Variants in MATK observed in about 807,000 individuals in gnomAD.
MATK encodes megakaryocyte-associated tyrosine kinase.
Under a neutral mutation model 59.8 loss-of-function variants are expected in MATK, and 41 were observed. The observed-to-expected ratio is 0.69, with a 90% CI of 0.53 to 0.89. MATK has a LOEUF of 0.89. Ranked by LOEUF, MATK falls within the 40% of genes least tolerant of loss-of-function variation. MATK has a pLI of 0.00. For synonymous variants in MATK, 308 were observed against 306.1 expected (o/e 1.01, Z -0.06); for missense variants, 593 against 719.6 (o/e 0.82, Z 2.01).
intron 7 of MATK, chr19:3,782,780 G>C (rs189790040): frequency 9.0e-6 from 3 of 335,164 alleles, no homozygotes; most frequent in Admixed American, 4.6e-5. Context: ...GGGAGGGCCT[G>C]AGGCTGGGCT....
chr19:3,784,566 C>A, intron 3 of MATK, 115 bp from the exon 4 acceptor site: 3 of 727,918 alleles, frequency 4.1e-6, no homozygotes, highest in Non-Finnish European at 6.8e-6. Flanking sequence ...TGGAAAAGAG[C>A]GGAGAGGCAG....
intron 8 of MATK, 119 bp downstream of exon 8, chr19:3,781,488 C>T: frequency 2.8e-6 from 3 of 1,057,620 alleles, no homozygotes; most frequent in Non-Finnish European, 4.3e-6. Context: ...ATTTGCACGT[C>T]TTCAGCTGCA....
intron 1 of MATK, among the ~76,000 whole-genome samples, chr19:3,794,975 C>CTTTT (rs532158792): frequency 3.1e-4 from 33 of 107,908 alleles, no homozygotes; most frequent in African/African-American, 3.8e-4. Context: ...TTTTCTTTTG[C>CTTTT]TTTTTTTTTT....
intron 3 of MATK, 186 bp from the exon 4 acceptor site, chr19:3,784,637 G>A (rs767959855): frequency 3.0e-5 from 20 of 663,372 alleles, no homozygotes; most frequent in Admixed American, 4.9e-5. Context: ...GAGAGAAATC[G>A]TAGAGTCACA....
chr19:3,798,617 A>G (rs1166692335), intron 1 of MATK, among the ~76,000 whole-genome samples: 1 of 151,844 alleles, frequency 6.6e-6, no homozygotes, highest in African/African-American at 2.4e-5. Flanking sequence ...GGTTCAAGTG[A>G]TTCTCCTGCC....
At chr19:3,791,339 C>T (rs1333680388), upstream of MATK, among the ~76,000 whole-genome samples, 1 of 151,482 alleles carries the variant, frequency 6.6e-6, no homozygotes, top group Non-Finnish European at 1.5e-5. Flanking sequence ...GTCATCTCTC[C>T]ACCTCCCCCC....
chr19:3,787,308 C>T (rs1032263231), upstream of MATK, among the ~76,000 whole-genome samples: 2 of 151,342 alleles, frequency 1.3e-5, no homozygotes, highest in Admixed American at 6.6e-5. Flanking sequence ...TTTCATAGAG[C>T]CATAGAAGGG....
intron 1 of MATK, among the ~76,000 whole-genome samples, chr19:3,800,014 C>T (rs1233363794): frequency 1.1e-4 from 16 of 151,536 alleles, no homozygotes; most frequent in African/African-American, 3.6e-4. Context: ...TGGTTGCAGG[C>T]GCCTGTAGTC....
At position 3,783,011 on chromosome 19, in the gene MATK, C is replaced by A. The variant is rs1015337530; in HGVS notation, c.676+115G>T. 65 of 883,958 alleles carry A rather than the reference C, an allele frequency of 7.4e-5. No homozygotes were observed. In the African/African-American group the frequency reaches 1.0e-3, roughly 14 times the overall value. The allele number at this position is 883,958 out of a possible 1,614,324, so 54.8% of individuals were successfully genotyped here. A position where few individuals can be genotyped will look rare whatever the true frequency, so the allele number is the denominator to read the frequency against. On this transcript the variant is annotated intron_variant, in intron 7 of 13. Transcript: ENST00000310132. ...CCAGGTCTTCTATCCCATAGCTGGG[C>A]ATGGAGACAGGCTTGGGTGATCTGG...
chr19:3,796,757 C>T (rs930008473), intron 1 of MATK, among the ~76,000 whole-genome samples: 1 of 151,910 alleles, frequency 6.6e-6, no homozygotes, highest in South Asian at 2.1e-4. Flanking sequence ...TGGTTTGGTC[C>T]CTTGTTTTAG....
upstream of MATK, chr19:3,789,508 C>G: frequency 3.7e-6 from 2 of 542,140 alleles, no homozygotes; most frequent in South Asian, 2.4e-5. Context: ...AGGTCTTGAG[C>G]CCAGAGAAGG....
chr19:3,789,276 A>C, upstream of MATK: 1 of 778,808 alleles, frequency 1.3e-6, no homozygotes, highest in East Asian at 2.4e-5. Context: ...TTCTCACCAG[A>C]AGCTGCTGCT....
At chr19:3,779,495 G>T (rs775058346) in intron 10 of MATK, 38 bp downstream of exon 10, 1 of 1,610,560 alleles carries the variant, frequency 6.2e-7, no homozygotes, top group South Asian at 1.1e-5. Flanking sequence ...GGGCTGCTCC[G>T]CTGCGTGGGC....
chr19:3,783,067 C>T, intron 7 of MATK, 59 bp downstream of exon 7: 1 of 1,564,120 alleles, frequency 6.4e-7, no homozygotes, highest in Non-Finnish European at 8.8e-7. Context: ...AGGGCCCTTC[C>T]TCCCGGACTG....
chr19:3,797,674 C>A (rs1054943924), intron 1 of MATK, among the ~76,000 whole-genome samples: 2 of 151,686 alleles, frequency 1.3e-5, no homozygotes, highest in Admixed American at 1.3e-4. Context: ...TGGTGGCTCA[C>A]GGAGCTCAGG....
chr19:3,797,707 C>T (rs2037608951), intron 1 of MATK, among the ~76,000 whole-genome samples: 1 of 151,846 alleles, frequency 6.6e-6, no homozygotes, highest in Admixed American at 6.6e-5. Context: ...GCCTGGGCAA[C>T]ATAGTGAGAC....
chr19:3,785,306 A>T lies in MATK; in HGVS notation c.-151-20T>A. On this transcript the variant is annotated intron_variant, in intron 1 of 13. Transcript: ENST00000310132. ...TGTTTTCTGGTTGGTAGGCAGGGGC[A>T]GGGTGGGGAAATAGGGATGAGTCAA... 7.0e-7 allele frequency: 1 copy of T among 1,425,638 alleles called. No individual in the cohort carries two copies. Among genetic ancestry groups the T allele is most frequent in the Non-Finnish European group, 9.3e-7 (1 of 1,076,318 alleles). The allele number at this position is 1,425,638 out of a possible 1,614,324, so 88.3% of individuals were successfully genotyped here.
At chr19:3,782,352 G>A (rs908214801) in intron 7 of MATK, among the ~76,000 whole-genome samples, 1 of 152,174 alleles carries the variant, frequency 6.6e-6, no homozygotes, top group African/African-American at 2.4e-5. Context: ...GGTGATGCTA[G>A]TCTCCACCTG....
upstream of MATK, chr19:3,789,433 C>T: frequency 1.6e-6 from 1 of 610,818 alleles, no homozygotes; most frequent in Non-Finnish European, 3.1e-6. Flanking sequence ...AGTGTCAGTC[C>T]TCCCGAGGAG....
Sources: allele counts gnomAD v4.1 joint callset (sites outside exome capture counted in the v4.1 genomes callset), GRCh38; gene constraint gnomAD v4.1.1; transcripts MANE v1.5; gene names NCBI Gene and HGNC (gene_info 2026-07-23, HGNC 2026-07-21).